The following LHFPL2 variants were observed in gnomAD, a reference collection of about 807,000 sequenced individuals.
LHFPL2 encodes the protein LHFPL tetraspan subfamily member 2 protein.
In LHFPL2, 7 loss-of-function variants were observed where a neutral mutation model predicts 17.5. The ratio of observed to expected loss-of-function variants is 0.40; its 90% CI spans 0.23 to 0.75. The LOEUF (loss-of-function observed/expected upper bound fraction) is 0.75, where lower values mean the gene tolerates loss of function less well. LHFPL2 is among the 30% of genes least tolerant of loss of function. The pLI is 0.37. For missense variants in LHFPL2, 241 were observed against 294.8 expected, an observed-to-expected ratio of 0.82 and a Z score of 1.34; for synonymous variants, 134 against 116.2, an observed-to-expected ratio of 1.15 and a Z score of -0.99.
At chr5:78,512,489 A>G (rs1189104934) in intron 3 of LHFPL2, among the ~76,000 whole-genome samples, 1 of 151,640 alleles carries the variant, frequency 6.6e-6, no homozygotes, top group Non-Finnish European at 1.5e-5. Context: ...ACCAAACAGA[A>G]AGCCTTTTGA....
chr5:78,594,613 A>G (rs1743763533), intron 2 of LHFPL2, among the ~76,000 whole-genome samples: 1 of 152,248 alleles, frequency 6.6e-6, no homozygotes, highest in Non-Finnish European at 1.5e-5. Flanking sequence ...AATCATGAAC[A>G]GTTCCTTCAC....
Position 78,486,372 on chromosome 5 carries a change from GTAA to G in LHFPL2, c.*2522_*2524del, listed in dbSNP as rs1754240560. ...CAAAATAAATAAGACTTTCCTGGTA[GTAA>G]TAATGGTCCTATTTATTAGAAAAAT... is the stretch of plus-strand genomic sequence containing the variant. On this transcript the variant is annotated 3_prime_UTR_variant, in exon 5 of 5. Transcript: ENST00000380345. 1 of 152,164 alleles carries G rather than the reference GTAA, an allele frequency of 6.6e-6. No homozygotes were observed. Among genetic ancestry groups the G allele is most frequent in the African/African-American group, 2.4e-5 (1 of 41,436 alleles). 9.4% of individuals were successfully genotyped at this position (152,164 alleles called of 1,614,324 possible).
intron 2 of LHFPL2, among the ~76,000 whole-genome samples, chr5:78,598,156 G>A (rs1210475059): frequency 6.6e-6 from 1 of 152,210 alleles, no homozygotes; most frequent in African/African-American, 2.4e-5. Flanking sequence ...AGCATGAAGG[G>A]ATACTACAGT....
intron 2 of LHFPL2, among the ~76,000 whole-genome samples, chr5:78,589,720 G>C (rs1260584286): frequency 1.3e-5 from 2 of 152,184 alleles, no homozygotes; most frequent in African/African-American, 4.8e-5. Context: ...GCTGGTTCAT[G>C]TCTGCCTCCT....
At position 78,602,292 on chromosome 5, in the gene LHFPL2, G is replaced by C. The variant is rs553385715; in HGVS notation, c.-245+29972C>G. Among the ~76,000 whole-genome samples, 74 of 152,270 alleles carry C rather than the reference G, an allele frequency of 4.9e-4. No individual in the cohort carries two copies. In the Middle Eastern group the frequency reaches 0.02, roughly 42 times the overall value. On this transcript the variant is annotated intron_variant, in intron 2 of 4. Transcript: ENST00000380345. The stretch of plus-strand genomic sequence containing the variant: ...AAATTAGCTGTTTGTAAAATAGAAA[G>C]ATTTCTGTTAATGTCACAGAAACAT...
chr5:78,503,893 G>A (rs899679367), intron 4 of LHFPL2, among the ~76,000 whole-genome samples: 5 of 152,008 alleles, frequency 3.3e-5, no homozygotes, highest in Admixed American at 6.5e-5. Flanking sequence ...CTCTAATACA[G>A]CCTGGAAGCA....
intron 4 of LHFPL2, among the ~76,000 whole-genome samples, chr5:78,504,776 C>T (rs931530633): frequency 6.6e-6 from 1 of 152,232 alleles, no homozygotes; most frequent in Non-Finnish European, 1.5e-5. Context: ...CCACTGCCAG[C>T]GCCATTCCCA....
At chr5:78,633,377 C>T (rs1294650278) in intron 1 of LHFPL2, among the ~76,000 whole-genome samples, 3 of 152,246 alleles carry the variant, frequency 2.0e-5, no homozygotes, top group African/African-American at 7.2e-5. Flanking sequence ...TGCCTCAACA[C>T]ACCCCCACCA....
At chr5:78,528,455 C>G (rs1755684162) in intron 3 of LHFPL2, among the ~76,000 whole-genome samples, 3 of 152,180 alleles carry the variant, frequency 2.0e-5, no homozygotes, top group African/African-American at 4.8e-5. Context: ...GAATCTAATA[C>G]CTGATGATCT....
intron 3 of LHFPL2, among the ~76,000 whole-genome samples, chr5:78,514,070 T>G (rs997279760): frequency 6.6e-6 from 1 of 152,198 alleles, no homozygotes; most frequent in African/African-American, 2.4e-5. Flanking sequence ...GAGATCCTCA[T>G]GACAGAACCT....
At chr5:78,491,660 G>A (rs1189071173) in intron 4 of LHFPL2, among the ~76,000 whole-genome samples, 1 of 152,208 alleles carries the variant, frequency 6.6e-6, no homozygotes, top group Non-Finnish European at 1.5e-5. Flanking sequence ...TCCAGGCTCC[G>A]CCCTGTATGA....
chr5:78,557,728 T>C (rs1002958537), intron 3 of LHFPL2, among the ~76,000 whole-genome samples: 1 of 152,222 alleles, frequency 6.6e-6, no homozygotes, highest in Non-Finnish European at 1.5e-5. Flanking sequence ...ACTTGCCAAA[T>C]AGCCTTAAAA....
chr5:78,631,216 T>C (rs541253913), intron 2 of LHFPL2, among the ~76,000 whole-genome samples: 30 of 152,334 alleles, frequency 2.0e-4, no homozygotes, highest in African/African-American at 6.5e-4. Context: ...CCTATTGCCT[T>C]TACGTTTAGA....
intron 3 of LHFPL2, among the ~76,000 whole-genome samples, chr5:78,552,369 G>A (rs978199124): frequency 1.3e-5 from 2 of 152,128 alleles, no homozygotes. Context: ...TCCTGACCTC[G>A]TGATCCACCT....
chr5:78,572,451 TATGTATGTGTATATAC>T (rs1313919849), intron 2 of LHFPL2, among the ~76,000 whole-genome samples: 1 of 150,996 alleles, frequency 6.6e-6, no homozygotes, highest in Non-Finnish European at 1.5e-5. Flanking sequence ...TGTGTATATA[TATGTATGTGTATATAC>T]ATGTGTATAT....
At chr5:78,546,712 G>A (rs1044183217) in intron 3 of LHFPL2, among the ~76,000 whole-genome samples, 7 of 152,166 alleles carry the variant, frequency 4.6e-5, no homozygotes, top group East Asian at 1.9e-4. Flanking sequence ...CACAGTCTGC[G>A]TCTTCTGTGT....
At chr5:78,533,089 C>T (rs907825046) in intron 3 of LHFPL2, among the ~76,000 whole-genome samples, 3 of 152,204 alleles carry the variant, frequency 2.0e-5, no homozygotes, top group Non-Finnish European at 4.4e-5. Flanking sequence ...AGACCAAACC[C>T]TCTGCCTCCT....
rs185967949 is a variant in LHFPL2 at position 78,496,021 on chromosome 5, C to T, written c.431-6868G>A. 2.3e-3 allele frequency among the ~76,000 whole-genome samples: 344 copies of T among 152,268 alleles called. 2 individuals carry two copies. The highest frequency in any genetic ancestry group is 0.01 in the Middle Eastern group (3 of 294). ...CTCATTCCAATGCAAATGTTGCCTC[C>T]CCGGGAAATGTTTGTCACCACTTCC... On this transcript the variant is annotated intron_variant, in intron 4 of 4. Transcript: ENST00000380345.
At chr5:78,513,545 G>T (rs139484162) in intron 3 of LHFPL2, among the ~76,000 whole-genome samples, 1 of 152,160 alleles carries the variant, frequency 6.6e-6, no homozygotes, top group Non-Finnish European at 1.5e-5. Context: ...AGGCTTCCTG[G>T]GGGTGGTGAT....
Sources: gnomAD v4.1 joint callset for allele counts (sites outside exome capture counted in the v4.1 genomes callset) on GRCh38, gnomAD v4.1.1 for gene constraint, MANE v1.5 for transcripts, NCBI Gene and HGNC (gene_info 2026-07-23, HGNC 2026-07-21) for gene names.